GNAQ: variants seen among roughly 807,000 people sequenced by gnomAD.
GNAQ encodes the protein guanine nucleotide-binding protein G(q) subunit alpha.
A neutral mutation model predicts 43.9 loss-of-function variants in GNAQ; 8 were observed. The observed-to-expected ratio is 0.18, with a 90% CI of 0.11 to 0.33. The LOEUF is 0.33. Ranked by LOEUF, GNAQ falls within the 10% of genes least tolerant of loss-of-function variation. The pLI, the probability that GNAQ is intolerant of heterozygous loss-of-function variation, is 1.00. For synonymous variants in GNAQ, 155 were observed against 170.7 expected (o/e 0.91, Z 0.71); for missense variants, 158 against 450.8 (o/e 0.35, Z 5.88).
intron 5 of GNAQ, among the ~76,000 whole-genome samples, chr9:77,740,737 T>A (rs1825640735): frequency 1.3e-5 from 2 of 152,204 alleles, no homozygotes; most frequent in Non-Finnish European, 2.9e-5. Flanking sequence ...CTGATATGTA[T>A]TTTTGGCTAT....
intron 1 of GNAQ, among the ~76,000 whole-genome samples, chr9:77,937,375 T>C (rs765529887): frequency 5.9e-5 from 9 of 151,456 alleles, no homozygotes; most frequent in Non-Finnish European, 1.3e-4. Context: ...GATGAGGAGG[T>C]TGCAGTGAGC....
At chr9:77,814,629 T>C (rs1247276886) in intron 3 of GNAQ, among the ~76,000 whole-genome samples, 2 of 152,200 alleles carry the variant, frequency 1.3e-5, no homozygotes, top group African/African-American at 4.8e-5. Context: ...AACAGAGTCA[T>C]ATAGCTCTTA....
In GNAQ at chr9:77,923,666, G is replaced by C. The variant is rs537659878; in HGVS notation, c.137-1321C>G. ...CCCCAAAAATGTGAAGAAAATAAAA[G>C]TGCCAATTTGGATATTAAAGACGGA... is the stretch of plus-strand genomic sequence containing the variant. On this transcript the variant is annotated intron_variant, in intron 1 of 6. Transcript: ENST00000286548. Among the ~76,000 whole-genome samples, 3 of 152,174 alleles carry C rather than the reference G, an allele frequency of 2.0e-5. No homozygotes were observed. In the East Asian group the frequency reaches 5.8e-4, roughly 29 times the overall value.
chr9:77,905,195 T>C (rs1350714290), intron 2 of GNAQ, among the ~76,000 whole-genome samples: 2 of 152,340 alleles, frequency 1.3e-5, no homozygotes, highest in Non-Finnish European at 2.9e-5. Context: ...TTATCAGATA[T>C]ACTTAAAAGA....
At chr9:77,928,074 T>TC (rs1359199827) in intron 1 of GNAQ, among the ~76,000 whole-genome samples, 1 of 152,168 alleles carries the variant, frequency 6.6e-6, no homozygotes, top group Admixed American at 6.6e-5. Context: ...AATAAGCACA[T>TC]CATCAATCCA....
rs1024271475 is a variant in GNAQ at position 77,746,451 on chromosome 9, A to G, written c.736-17784T>C. 2.6e-5 allele frequency among the ~76,000 whole-genome samples: 4 copies of G among 152,148 alleles called. No individual in the cohort carries two copies. The South Asian group carries it at 8.3e-4, about 31-fold the overall frequency. On this transcript the variant is annotated intron_variant, in intron 5 of 6. Transcript: ENST00000286548. Reference sequence around the variant, plus strand: ...AAGGGAGATCTCTGATTTAAAATGAACAAAATGGAACTGATATATTATCTT... The same window carrying G: ...AAGGGAGATCTCTGATTTAAAATGAGCAAAATGGAACTGATATATTATCTT...
chr9:77,903,524 G>A lies in GNAQ; in HGVS notation c.321+18637C>T, dbSNP rs78534518. Among the ~76,000 whole-genome samples, 785 of 152,266 alleles carry A rather than the reference G, an allele frequency of 5.2e-3. 9 individuals carry two copies. Among genetic ancestry groups the A allele is most frequent in the African/African-American group, 0.018 (747 of 41,540 alleles). ...GGAACAGACAGCCCAGTAAGGGTGA[G>A]CTCTCACTAAATGATAATTCCCTTC... On this transcript the variant is annotated intron_variant, in intron 2 of 6. Coordinates refer to ENST00000286548, the MANE Select transcript of GNAQ (RefSeq NM_002072.5).
chr9:77,910,426 G>A (rs182118443), intron 2 of GNAQ, among the ~76,000 whole-genome samples: 1 of 152,296 alleles, frequency 6.6e-6, no homozygotes, highest in East Asian at 1.9e-4. Context: ...GCTTTGCCAG[G>A]AGTTAACCAA....
intron 1 of GNAQ, among the ~76,000 whole-genome samples, chr9:77,995,992 C>A (rs748080801): frequency 1.3e-5 from 2 of 152,136 alleles, no homozygotes; most frequent in African/African-American, 4.8e-5. Context: ...AAGAAGACTG[C>A]GTATAGAAAG....
chr9:77,891,756 A>G (rs1449015436), intron 2 of GNAQ, among the ~76,000 whole-genome samples: 1 of 152,136 alleles, frequency 6.6e-6, no homozygotes, highest in Non-Finnish European at 1.5e-5. Flanking sequence ...ACACAGACCA[A>G]ACAACTGTGT....
chr9:77,916,854 G>A (rs761097446), intron 2 of GNAQ, among the ~76,000 whole-genome samples: 1 of 152,130 alleles, frequency 6.6e-6, no homozygotes, highest in Non-Finnish European at 1.5e-5. Context: ...ACTACATGAA[G>A]AAGCATTGTA....
intron 1 of GNAQ, among the ~76,000 whole-genome samples, chr9:78,027,880 G>A (rs1203160092): frequency 6.6e-6 from 1 of 151,944 alleles, no homozygotes; most frequent in Non-Finnish European, 1.5e-5. Flanking sequence ...CTTCAAAAAC[G>A]TGTAAAATAA....
intron 2 of GNAQ, among the ~76,000 whole-genome samples, chr9:77,888,786 G>T (rs1828351579): frequency 1.3e-5 from 2 of 152,128 alleles, no homozygotes; most frequent in Admixed American, 1.3e-4. Flanking sequence ...GCAGCAGAAT[G>T]GGAGCCTCTG....
At chr9:77,731,859 C>T (rs1366163302) in intron 5 of GNAQ, among the ~76,000 whole-genome samples, 2 of 152,164 alleles carry the variant, frequency 1.3e-5, no homozygotes, top group Non-Finnish European at 2.9e-5. Flanking sequence ...AACATACAGC[C>T]GAGAGTTTGA....
chr9:77,900,923 T>C (rs1220396958), intron 2 of GNAQ, among the ~76,000 whole-genome samples: 1 of 152,196 alleles, frequency 6.6e-6, no homozygotes, highest in Non-Finnish European at 1.5e-5. Context: ...GTATTTTATA[T>C]TGCTTGTATA....
At chr9:77,798,027 A>G (rs1026494890) in intron 3 of GNAQ, among the ~76,000 whole-genome samples, 2 of 152,242 alleles carry the variant, frequency 1.3e-5, no homozygotes, top group Non-Finnish European at 2.9e-5. Flanking sequence ...AGAGTTGCAC[A>G]TAAGGTCAGA....
At chr9:77,823,096 C>T (rs940631524) in intron 2 of GNAQ, among the ~76,000 whole-genome samples, 32 of 151,972 alleles carry the variant, frequency 2.1e-4, no homozygotes, top group African/African-American at 7.5e-4. Context: ...TCTGCCACAA[C>T]GCCCGGCTAA....
At chr9:77,829,834 C>A (rs1273125053) in intron 2 of GNAQ, among the ~76,000 whole-genome samples, 3 of 152,142 alleles carry the variant, frequency 2.0e-5, no homozygotes, top group Non-Finnish European at 4.4e-5. Context: ...AAGTGCTGAT[C>A]AGTGCTTCTC....
chr9:77,935,447 ATTT>A (rs1388380014), intron 1 of GNAQ, among the ~76,000 whole-genome samples: 1 of 152,218 alleles, frequency 6.6e-6, no homozygotes, highest in Admixed American at 6.5e-5. Flanking sequence ...AAAACAAAAA[ATTT>A]TTTAAGATTC....
Sources: gnomAD v4.1 joint callset for allele counts (sites outside exome capture counted in the v4.1 genomes callset) on GRCh38, gnomAD v4.1.1 for gene constraint, MANE v1.5 for transcripts, NCBI Gene and HGNC (gene_info 2026-07-23, HGNC 2026-07-21) for gene names.